The following ADGRB1 variants were observed in gnomAD, a reference collection of about 807,000 sequenced individuals.
The protein encoded by ADGRB1 is brain-specific angiogenesis inhibitor 1.
Under a neutral mutation model 175.7 loss-of-function variants are expected in ADGRB1, and 36 were observed. That is an observed-to-expected ratio of 0.20 (90% CI 0.16 to 0.27). The LOEUF is 0.27. Among genes scored for constraint, ADGRB1 ranks in the 10% least tolerant of loss-of-function variants. The pLI is 1.00. For missense variants in ADGRB1, 1,731 were observed against 2,255.3 expected, an observed-to-expected ratio of 0.77 and a Z score of 4.71; for synonymous variants, 1,054 against 979.4, an observed-to-expected ratio of 1.08 and a Z score of -1.42.
chr8:142,497,458 C>A (rs1440840344), intron 17 of ADGRB1, among the ~76,000 whole-genome samples: 3 of 152,066 alleles, frequency 2.0e-5, no homozygotes, highest in African/African-American at 7.3e-5. Flanking sequence ...CAGTCTCTCC[C>A]ACGCCGGCCG....
At chr8:142,485,482 G>A (rs1300831156) in intron 13 of ADGRB1, among the ~76,000 whole-genome samples, 1 of 152,210 alleles carries the variant, frequency 6.6e-6, no homozygotes, top group African/African-American at 2.4e-5. Flanking sequence ...CTTGAGCCCA[G>A]GAGTTTGAGA....
At chr8:142,494,323 C>T (rs1358100010) in intron 17 of ADGRB1, among the ~76,000 whole-genome samples, 20 of 152,034 alleles carry the variant, frequency 1.3e-4, no homozygotes, top group Non-Finnish European at 4.4e-5. Flanking sequence ...TGATCCTGGT[C>T]ACAGGCTGAG....
chr8:142,499,518 C>T (rs2131947599), intron 17 of ADGRB1, among the ~76,000 whole-genome samples: 1 of 152,332 alleles, frequency 6.6e-6, no homozygotes, highest in Non-Finnish European at 1.5e-5. Context: ...AGGGAGGGAG[C>T]ATGCACCGGC....
chr8:142,522,522 C>T (rs1052897976), intron 21 of ADGRB1, 119 bp from the exon 22 acceptor site: 3 of 998,870 alleles, frequency 3.0e-6, no homozygotes, highest in East Asian at 2.8e-5. Flanking sequence ...GCCCCATCCT[C>T]TGTTGGGGGC....
chr8:142,492,159 G>A lies in ADGRB1; in HGVS notation c.2675+1344G>A, dbSNP rs914258256. On this transcript the variant is annotated intron_variant, in intron 17 of 30. Coordinates refer to ENST00000517894, the MANE Select transcript of ADGRB1 (RefSeq NM_001702.3). The surrounding 1 kb of genome is among the most constrained non-coding windows in gnomAD (Gnocchi z 4.4). ...CCACCAACCATCAACCCTCTCCTTC[G>A]TCCACCTGTTCTTTAATCTATATCC... Among the ~76,000 whole-genome samples the A allele has an allele frequency of 2.0e-5, 3 of 151,354 alleles. No individual in the cohort carries two copies. The highest frequency in any genetic ancestry group is 4.4e-5 in the Non-Finnish European group (3 of 67,860).
intron 3 of ADGRB1, 99 bp from the exon 4 acceptor site, chr8:142,476,486 C>G (rs533898854): frequency 9.3e-7 from 1 of 1,080,406 alleles, no homozygotes; most frequent in Non-Finnish European, 1.4e-6. Context: ...CCAGTGGAGC[C>G]AGGTGGCCCA....
Position 142,464,221 on chromosome 8 carries a change from C to T in ADGRB1, c.23C>T (p.Pro8Leu), listed in dbSNP as rs1016246423. The T allele has an allele frequency of 1.5e-6, 2 of 1,302,300 alleles. No individual in the cohort carries two copies. Among genetic ancestry groups the T allele is most frequent in the African/African-American group, 1.6e-5 (1 of 64,438 alleles). 80.7% of individuals were successfully genotyped at this position (1,302,300 alleles called of 1,614,324 possible). Residue 8 changes from proline to leucine, a missense_variant, in exon 2 of 31, where the codon CCG becomes CTG. Coordinates refer to ENST00000517894, the MANE Select transcript of ADGRB1 (RefSeq NM_001702.3). MRGQAAAPGPVWILAPLL... is the reference protein window; with the variant it reads MRGQAAALGPVWILAPLL... The stretch of plus-strand genomic sequence containing the variant: ...AGGATGAGGGGCCAGGCCGCCGCCC[C>T]GGGCCCCGTCTGGATCCTCGCCCCG...
At chr8:142,484,553 A>C in intron 12 of ADGRB1, 103 bp from the exon 13 acceptor site, 1 of 1,192,904 alleles carries the variant, frequency 8.4e-7, no homozygotes, top group African/African-American at 1.5e-5. Flanking sequence ...TCAAAATGTT[A>C]GGAAATGGCC....
At chr8:142,503,147 C>G (rs948752557) in intron 17 of ADGRB1, among the ~76,000 whole-genome samples, 1 of 151,652 alleles carries the variant, frequency 6.6e-6, no homozygotes, top group African/African-American at 2.4e-5. Context: ...GCAGCCCAAG[C>G]CCCCTGAGGG....
At position 142,489,319 on chromosome 8, in the gene ADGRB1, G is replaced by A. The variant is rs1262859156; in HGVS notation, c.2529-17G>A. 6.2e-7 allele frequency: 1 copy of A among 1,612,174 alleles called. No individual in the cohort carries two copies. Among genetic ancestry groups the A allele is most frequent in the Non-Finnish European group, 8.5e-7 (1 of 1,179,462 alleles). ...CTGGGAGGGCTCCCCCGACACCTGTGCCTCTGGCTCTTGCAGGAACACGAC... is the reference window on the plus strand; with the variant it reads ...CTGGGAGGGCTCCCCCGACACCTGTACCTCTGGCTCTTGCAGGAACACGAC... On this transcript the variant is annotated splice_polypyrimidine_tract_variant and intron_variant, in intron 15 of 30. Coordinates refer to ENST00000517894, the MANE Select transcript of ADGRB1 (RefSeq NM_001702.3).
In ADGRB1 at chr8:142,537,118, C is replaced by T; in HGVS notation, c.3666+36C>T. 1 of 1,414,466 alleles carries T rather than the reference C, an allele frequency of 7.1e-7. No individual in the cohort carries two copies. The highest frequency in any genetic ancestry group is 2.8e-5 in the East Asian group (1 of 35,822). 87.6% of individuals were successfully genotyped at this position (1,414,466 alleles called of 1,614,324 possible). On this transcript the variant is annotated intron_variant, in intron 26 of 30. Transcript: ENST00000517894. This position sits in a 1 kb window ranked among gnomAD's most constrained non-coding sequence, Gnocchi z 4.6. ...GGGCCCGGGGACTCAGGCTGCCCTA[C>T]CTGCCTCGTACCCCCGCCAAGTGCC... is the stretch of plus-strand genomic sequence containing the variant.
intron 2 of ADGRB1, among the ~76,000 whole-genome samples, chr8:142,470,807 A>C (rs1447332470): frequency 6.6e-6 from 1 of 152,116 alleles, no homozygotes; most frequent in Non-Finnish European, 1.5e-5. Flanking sequence ...CCCTGCCTCC[A>C]GGGTGAGTCA....
At chr8:142,483,446 T>C (rs1482543504) in intron 11 of ADGRB1, among the ~76,000 whole-genome samples, 324 of 97,618 alleles carry the variant, frequency 3.3e-3, no homozygotes, top group Middle Eastern at 0.02. Flanking sequence ...ACATGCTGAG[T>C]CCTGACCCTG....
At chr8:142,502,341 GT>G (rs1842627158) in intron 17 of ADGRB1, among the ~76,000 whole-genome samples, 1 of 109,206 alleles carries the variant, frequency 9.2e-6, no homozygotes, top group Non-Finnish European at 2.1e-5. Context: ...GGTGATGGTG[GT>G]GGTGATGGGG....
chr8:142,466,665 G>C (rs1283860030), intron 2 of ADGRB1, among the ~76,000 whole-genome samples: 2 of 152,232 alleles, frequency 1.3e-5, no homozygotes, highest in Admixed American at 6.5e-5. Context: ...CCTTGGTGAG[G>C]GCGGCTTCTG....
chr8:142,468,916 G>A (rs919520650), intron 2 of ADGRB1, among the ~76,000 whole-genome samples: 3 of 151,684 alleles, frequency 2.0e-5, no homozygotes, highest in Admixed American at 6.5e-5. Context: ...AGCAGGCATT[G>A]CCAGTTCCCT....
chr8:142,459,294 T>TCCCAGGGGATCCTCCCAA (rs969354482), intron 1 of ADGRB1, among the ~76,000 whole-genome samples: 2 of 152,000 alleles, frequency 1.3e-5, no homozygotes, highest in Non-Finnish European at 2.9e-5. Flanking sequence ...CCCCCGGGGC[T>TCCCAGGGGATCCTCCCAA]CCCAGGGGAT....
intron 1 of ADGRB1, among the ~76,000 whole-genome samples, chr8:142,451,276 G>A (rs1839334926): frequency 6.6e-6 from 1 of 152,196 alleles, no homozygotes; most frequent in South Asian, 2.1e-4. Flanking sequence ...CCACTCCCCG[G>A]CAGCCTGAAG....
At chr8:142,479,928 G>T (rs1484045118) in intron 9 of ADGRB1, 134 bp downstream of exon 9, 1 of 994,984 alleles carries the variant, frequency 1.0e-6, no homozygotes, top group South Asian at 1.7e-5. Context: ...CTGGCGCGGG[G>T]TGGTGGGGCC....
Sources: gnomAD v4.1 joint callset for allele counts (sites outside exome capture counted in the v4.1 genomes callset) on GRCh38, gnomAD v4.1.1 for gene constraint, Gnocchi (gnomAD v3.1) non-coding constraint, MANE v1.5 for transcripts, NCBI Gene and HGNC (gene_info 2026-07-23, HGNC 2026-07-21) for gene names.